Variants in MBOAT2 observed in about 807,000 individuals in gnomAD.
MBOAT2 encodes the protein membrane-bound glycerophospholipid O-acyltransferase 2.
Under a neutral mutation model 63.4 loss-of-function variants are expected in MBOAT2, and 28 were observed. The ratio of observed to expected loss-of-function variants is 0.44; its 90% CI spans 0.33 to 0.61. MBOAT2 has a LOEUF of 0.61. Among genes scored for constraint, MBOAT2 ranks in the 20% least tolerant of loss-of-function variants. The pLI, the probability that MBOAT2 is intolerant of heterozygous loss-of-function variation, is 0.03. For synonymous variants in MBOAT2, 211 were observed against 215.6 expected (o/e 0.98, Z 0.19); for missense variants, 470 against 605.8 (o/e 0.78, Z 2.35).
At chr2:8,932,505 T>G (rs1353857991) in intron 3 of MBOAT2, among the ~76,000 whole-genome samples, 1 of 152,194 alleles carries the variant, frequency 6.6e-6, no homozygotes, top group African/African-American at 2.4e-5. Flanking sequence ...TGCTAGCAGG[T>G]AAGCAAGTAA....
chr2:8,943,059 A>T, intron 3 of MBOAT2, 128 bp downstream of exon 3: 1 of 547,122 alleles, frequency 1.8e-6, no homozygotes. Context: ...TTTTGTATTT[A>T]TGACAATTCT....
intron 4 of MBOAT2, among the ~76,000 whole-genome samples, chr2:8,894,658 C>T (rs1401695324): frequency 2.0e-5 from 3 of 152,232 alleles, no homozygotes; most frequent in Non-Finnish European, 2.9e-5. Context: ...GTGTGCAGAA[C>T]TGGTGGGTTC....
chr2:8,897,811 G>C lies in MBOAT2; in HGVS notation c.396-9738C>G, dbSNP rs564543891. Among the ~76,000 whole-genome samples the C allele has an allele frequency of 1.3e-4, 20 of 152,250 alleles. 1 individual carries two copies. The highest frequency in any genetic ancestry group is 1.3e-3 in the Admixed American group (20 of 15,296). ...TGCTCGATTGGTTCCCCATCCTCTG[G>C]GAGAAAAGTGGCAGGGTTGAGGGCC... On this transcript the variant is annotated intron_variant, in intron 4 of 12. Coordinates refer to ENST00000305997, the MANE Select transcript of MBOAT2 (RefSeq NM_138799.4).
intron 2 of MBOAT2, among the ~76,000 whole-genome samples, chr2:8,955,104 C>T (rs1296899172): frequency 6.6e-6 from 1 of 152,202 alleles, no homozygotes; most frequent in Non-Finnish European, 1.5e-5. Context: ...GAGGCCCCTA[C>T]CCCACTCCAG....
At chr2:8,919,408 T>C (rs1013783750) in intron 3 of MBOAT2, among the ~76,000 whole-genome samples, 41 of 152,242 alleles carry the variant, frequency 2.7e-4, no homozygotes, top group African/African-American at 9.9e-4. Flanking sequence ...TTAAATTACA[T>C]CCATTCTAGT....
Position 8,857,640 on chromosome 2 carries a change from C to T in MBOAT2, c.*1039G>A, listed in dbSNP as rs1020523215. 9 of 152,162 alleles carry T rather than the reference C, an allele frequency of 5.9e-5. No homozygotes were observed. The highest frequency in any genetic ancestry group is 2.2e-4 in the African/African-American group (9 of 41,414). 9.4% of individuals were successfully genotyped at this position (152,162 alleles called of 1,614,324 possible). The stretch of plus-strand genomic sequence containing the variant: ...TTGTCAAGGATAAGAAATGGATTAG[C>T]CAGATAGTAACCTACCTAGCGATTT... On this transcript the variant is annotated 3_prime_UTR_variant, in exon 13 of 13. Coordinates refer to ENST00000305997, the MANE Select transcript of MBOAT2 (RefSeq NM_138799.4).
chr2:8,903,030 T>A (rs1475582662), intron 4 of MBOAT2, among the ~76,000 whole-genome samples: 1 of 152,158 alleles, frequency 6.6e-6, no homozygotes, highest in Non-Finnish European at 1.5e-5. Flanking sequence ...ATCCTTTAGG[T>A]AGACACAGAA....
intron 3 of MBOAT2, among the ~76,000 whole-genome samples, chr2:8,919,540 C>T (rs987994490): frequency 6.6e-6 from 1 of 152,122 alleles, no homozygotes; most frequent in Non-Finnish European, 1.5e-5. Context: ...AAATGTGTAA[C>T]TAGCAATTCT....
At chr2:8,900,623 G>A (rs1664850090) in intron 4 of MBOAT2, among the ~76,000 whole-genome samples, 1 of 152,154 alleles carries the variant, frequency 6.6e-6, no homozygotes, top group African/African-American at 2.4e-5. Context: ...CTGAGTGGGG[G>A]AGATTAGAGG....
intron 1 of MBOAT2, among the ~76,000 whole-genome samples, chr2:8,971,402 C>T (rs964259013): frequency 3.3e-5 from 5 of 152,154 alleles, no homozygotes; most frequent in Non-Finnish European, 7.3e-5. Flanking sequence ...AAACCCACAG[C>T]CAATTTCATA....
chr2:8,919,000 A>G (rs1221679124), intron 3 of MBOAT2, among the ~76,000 whole-genome samples: 1 of 152,206 alleles, frequency 6.6e-6, no homozygotes, highest in Non-Finnish European at 1.5e-5. Flanking sequence ...AAATAAAATA[A>G]AACAATATGT....
intron 4 of MBOAT2, among the ~76,000 whole-genome samples, chr2:8,905,212 C>T (rs988856856): frequency 3.9e-5 from 6 of 152,224 alleles, no homozygotes; most frequent in African/African-American, 1.2e-4. Flanking sequence ...ATGATATTCA[C>T]GCTAATTAGG....
intron 8 of MBOAT2, among the ~76,000 whole-genome samples, chr2:8,872,151 C>T (rs905095575): frequency 6.6e-6 from 1 of 152,202 alleles, no homozygotes. Context: ...TCCCACATGC[C>T]CCTGCTAACA....
intron 4 of MBOAT2, among the ~76,000 whole-genome samples, chr2:8,901,291 T>C (rs1443787653): frequency 6.6e-6 from 1 of 152,078 alleles, no homozygotes; most frequent in Non-Finnish European, 1.5e-5. Context: ...AGCAGAAACA[T>C]TAGTTTTCCT....
chr2:8,958,448 A>C (rs1314397309), intron 2 of MBOAT2, 49 bp downstream of exon 2: 5 of 1,481,402 alleles, frequency 3.4e-6, no homozygotes, highest in Non-Finnish European at 4.5e-6. Flanking sequence ...TCAATTCTCA[A>C]ATACATCCAA....
At chr2:8,921,026 T>A (rs7558929) in intron 3 of MBOAT2, among the ~76,000 whole-genome samples, 12 of 152,150 alleles carry the variant, frequency 7.9e-5, no homozygotes, top group African/African-American at 2.9e-4. Flanking sequence ...CAACATATAG[T>A]TAGATTTTTT....
At chr2:8,968,041 G>A (rs62119985) in intron 1 of MBOAT2, among the ~76,000 whole-genome samples, 7 of 151,850 alleles carry the variant, frequency 4.6e-5, no homozygotes, top group African/African-American at 1.7e-4. Flanking sequence ...GTGGTTCTTC[G>A]AGCACGGAGT....
At chr2:8,947,456 T>C (rs1243500236) in intron 2 of MBOAT2, among the ~76,000 whole-genome samples, 2 of 128,706 alleles carry the variant, frequency 1.6e-5, no homozygotes, top group Non-Finnish European at 3.5e-5. Context: ...GTAGATCTAA[T>C]AGCCTACTAC....
At chr2:8,934,555 A>G (rs1667533741) in intron 3 of MBOAT2, among the ~76,000 whole-genome samples, 1 of 152,236 alleles carries the variant, frequency 6.6e-6, no homozygotes, top group African/African-American at 2.4e-5. Context: ...TCTTAGGAGG[A>G]TAAGATAATA....
Sources: allele counts gnomAD v4.1 joint callset (sites outside exome capture counted in the v4.1 genomes callset), GRCh38; gene constraint gnomAD v4.1.1; transcripts MANE v1.5; gene names NCBI Gene and HGNC (gene_info 2026-07-23, HGNC 2026-07-21).